Variants in AUH observed in about 807,000 individuals in gnomAD.
AUH encodes methylglutaconyl-CoA hydratase, mitochondrial.
A neutral mutation model predicts 42.3 loss-of-function variants in AUH; 29 were observed. The observed-to-expected ratio is 0.69, with a 90% CI of 0.51 to 0.93. The LOEUF (loss-of-function observed/expected upper bound fraction) is 0.93, where lower values mean the gene tolerates loss of function less well. Among genes scored for constraint, AUH ranks in the 40% least tolerant of loss-of-function variants. The probability of loss-of-function intolerance (pLI) is 0.00; values close to 1 mark genes in which losing one functional copy is unlikely to be tolerated. For missense variants in AUH, 452 were observed against 438.1 expected (o/e 1.03, Z -0.28); for synonymous variants, 174 against 166.4 (o/e 1.05, Z -0.35).
intron 6 of AUH, among the ~76,000 whole-genome samples, chr9:91,262,422 C>T (rs74993833): frequency 0.072 from 10,890 of 152,206 alleles, 671 homozygotes; most frequent in East Asian, 0.26. Context: ...GGTCTTCCCT[C>T]GCCCCTCCAA....
At chr9:91,338,087 C>A (rs866616584) in intron 3 of AUH, among the ~76,000 whole-genome samples, 2 of 152,200 alleles carry the variant, frequency 1.3e-5, no homozygotes, top group Admixed American at 6.5e-5. Context: ...TAAAATTTTA[C>A]CTGCCCATTT....
At chr9:91,224,403 T>C (rs1238574827) in intron 6 of AUH, among the ~76,000 whole-genome samples, 1 of 152,186 alleles carries the variant, frequency 6.6e-6, no homozygotes, top group African/African-American at 2.4e-5. Flanking sequence ...TCCCATCCCA[T>C]GGGTTGCCTT....
At chr9:91,336,083 T>C (rs1199883910) in intron 3 of AUH, among the ~76,000 whole-genome samples, 1 of 152,204 alleles carries the variant, frequency 6.6e-6, no homozygotes, top group Non-Finnish European at 1.5e-5. Flanking sequence ...ATTTCATATT[T>C]AGGTCAATTT....
chr9:91,280,384 G>A (rs1257892856), intron 6 of AUH, among the ~76,000 whole-genome samples: 2 of 152,064 alleles, frequency 1.3e-5, no homozygotes, highest in Admixed American at 6.5e-5. Context: ...TGGATAATAA[G>A]AAAGTAACCT....
chr9:91,351,672 T>G (rs1270833626), intron 3 of AUH, among the ~76,000 whole-genome samples: 3 of 152,206 alleles, frequency 2.0e-5, no homozygotes, highest in Admixed American at 6.5e-5. Context: ...CTGCTTGAGC[T>G]CTGCCTCCTG....
intron 4 of AUH, among the ~76,000 whole-genome samples, chr9:91,318,635 C>A (rs1278007684): frequency 1.3e-5 from 2 of 152,202 alleles, no homozygotes; most frequent in Non-Finnish European, 2.9e-5. Flanking sequence ...TTACTCCCGG[C>A]TAGAGACTGA....
chr9:91,270,574 T>C (rs1443927145), intron 6 of AUH, among the ~76,000 whole-genome samples: 1 of 152,094 alleles, frequency 6.6e-6, no homozygotes, highest in East Asian at 1.9e-4. Flanking sequence ...TGTTTTGGCT[T>C]CTGTAAGACT....
intron 6 of AUH, among the ~76,000 whole-genome samples, chr9:91,241,493 T>C (rs1828516156): frequency 6.6e-6 from 1 of 152,282 alleles, no homozygotes; most frequent in African/African-American, 2.4e-5. Flanking sequence ...TTTTCCTTTT[T>C]GAGATTTTGT....
chr9:91,316,215 A>G (rs895484603), intron 4 of AUH, among the ~76,000 whole-genome samples: 1 of 152,222 alleles, frequency 6.6e-6, no homozygotes, highest in Non-Finnish European at 1.5e-5. Context: ...GAGCTAGTCA[A>G]GATGAGGAAT....
Position 91,314,002 on chromosome 9 carries a change from C to T in AUH, c.505+11316G>A, listed in dbSNP as rs112821748. 9.0e-3 allele frequency among the ~76,000 whole-genome samples: 1,363 copies of T among 151,672 alleles called. 20 individuals are homozygous for T. The highest frequency in any genetic ancestry group is 0.042 in the East Asian group (210 of 5,036). On this transcript the variant is annotated intron_variant, in intron 4 of 9. Transcript: ENST00000375731. ...CCACGCCTGGCTAATTTCTGTACTT[C>T]GAGTAGAGATGGGGGTTCACCATGT...
At chr9:91,271,960 G>A (rs896324967) in intron 6 of AUH, among the ~76,000 whole-genome samples, 1 of 152,202 alleles carries the variant, frequency 6.6e-6, no homozygotes, top group Admixed American at 6.5e-5. Context: ...GGGATTACAG[G>A]CATGAGCTAC....
chr9:91,241,113 G>A (rs533440854), intron 6 of AUH, among the ~76,000 whole-genome samples: 3 of 152,194 alleles, frequency 2.0e-5, no homozygotes, highest in Middle Eastern at 3.4e-3. Flanking sequence ...AAGTGGTATC[G>A]GCCAGCCTGA....
At chr9:91,324,023 G>A (rs1039747836) in intron 4 of AUH, among the ~76,000 whole-genome samples, 7 of 152,006 alleles carry the variant, frequency 4.6e-5, no homozygotes, top group Non-Finnish European at 8.8e-5. Flanking sequence ...GAATAATAAA[G>A]AGAACCTAGC....
At chr9:91,232,673 C>T (rs1188712173) in intron 6 of AUH, among the ~76,000 whole-genome samples, 1 of 152,242 alleles carries the variant, frequency 6.6e-6, no homozygotes, top group Non-Finnish European at 1.5e-5. Context: ...GCCTTGGCCA[C>T]TGCCCTTCCC....
At chr9:91,237,770 A>G (rs1234639816) in intron 6 of AUH, among the ~76,000 whole-genome samples, 2 of 152,188 alleles carry the variant, frequency 1.3e-5, no homozygotes, top group African/African-American at 4.8e-5. Flanking sequence ...ACCTGGTATC[A>G]CAAAATGTTC....
chr9:91,296,715 G>A (rs1827362656), intron 5 of AUH, among the ~76,000 whole-genome samples: 1 of 152,150 alleles, frequency 6.6e-6, no homozygotes, highest in Admixed American at 6.5e-5. Context: ...ATGTACCTTA[G>A]CTTTTCAATT....
intron 6 of AUH, among the ~76,000 whole-genome samples, chr9:91,247,942 A>C (rs140436127): frequency 6.6e-6 from 1 of 152,154 alleles, no homozygotes; most frequent in East Asian, 1.9e-4. Context: ...TGATTTACAC[A>C]TATCTTCTTC....
At chr9:91,295,688 A>T (rs1827269412) in intron 6 of AUH, among the ~76,000 whole-genome samples, 3 of 152,220 alleles carry the variant, frequency 2.0e-5, no homozygotes, top group African/African-American at 7.2e-5. Context: ...TTTAGCAATA[A>T]AGTATTTTTA....
intron 3 of AUH, among the ~76,000 whole-genome samples, chr9:91,346,134 G>A (rs777644375): frequency 3.9e-5 from 6 of 151,998 alleles, no homozygotes; most frequent in Non-Finnish European, 7.4e-5. Flanking sequence ...CCAAACCTGA[G>A]TTTATGCTAA....
Sources: allele counts gnomAD v4.1 joint callset (sites outside exome capture counted in the v4.1 genomes callset), GRCh38; gene constraint gnomAD v4.1.1; transcripts MANE v1.5; gene names NCBI Gene and HGNC (gene_info 2026-07-23, HGNC 2026-07-21).